Variants in ATP11A observed in about 807,000 individuals in gnomAD.
The protein encoded by ATP11A is phospholipid-transporting ATPase IH.
In ATP11A, 81 loss-of-function variants were observed where a neutral mutation model predicts 154.4. That is an observed-to-expected ratio of 0.52 (90% CI 0.44 to 0.63). ATP11A has a LOEUF of 0.63. Ranked by LOEUF, ATP11A falls within the 30% of genes least tolerant of loss-of-function variation. The pLI is 0.00. For synonymous variants in ATP11A, 623 were observed against 585.9 expected (o/e 1.06, Z -0.91); for missense variants, 1,316 against 1,474.3 (o/e 0.89, Z 1.76).
chr13:112,793,124 A>G (rs996368190), intron 2 of ATP11A, among the ~76,000 whole-genome samples: 1 of 152,218 alleles, frequency 6.6e-6, no homozygotes, highest in Non-Finnish European at 1.5e-5. Context: ...GAGCTCAGTC[A>G]TGTGCCTGAG....
chr13:112,792,626 T>G (rs138908962), intron 2 of ATP11A, among the ~76,000 whole-genome samples: 1 of 152,186 alleles, frequency 6.6e-6, no homozygotes, highest in East Asian at 1.9e-4. Flanking sequence ...TTACTGGTGA[T>G]AGGTGATGAT....
intron 1 of ATP11A, among the ~76,000 whole-genome samples, chr13:112,727,351 G>A (rs1482158186): frequency 3.3e-5 from 5 of 152,172 alleles, no homozygotes; most frequent in Non-Finnish European, 5.9e-5. Flanking sequence ...CCTACTGAAC[G>A]CTGTTTCTAG....
chr13:112,810,860 G>T lies in ATP11A; in HGVS notation c.441+134G>T, dbSNP rs1206523973. ...CTGAGGCAGGAGGATCGCTGAGCCT[G>T]GAAGTCGGAGGCCACTCAGGAGGCT... On this transcript the variant is annotated intron_variant, in intron 5 of 29. Transcript: ENST00000375645. 6.8e-6 allele frequency: 5 copies of T among 735,282 alleles called. No homozygotes were observed. In the African/African-American group the frequency reaches 8.8e-5, roughly 13 times the overall value. 45.5% of individuals were successfully genotyped at this position (735,282 alleles called of 1,614,324 possible).
intron 1 of ATP11A, among the ~76,000 whole-genome samples, chr13:112,716,219 C>G (rs182395466): frequency 6.6e-6 from 1 of 152,308 alleles, no homozygotes; most frequent in South Asian, 2.1e-4. Context: ...CGTGGTGGGG[C>G]CAAGTCCCTA....
Position 112,875,377 on chromosome 13 carries a change from G to A in ATP11A, c.3162-399G>A, listed in dbSNP as rs2080687762. Reference sequence around the variant, plus strand: ...CGTCTTTGAATCATCCTCTTTCTGGGGAGAGAAGTCATTGCTTGCTCTGTA... The same window carrying A: ...CGTCTTTGAATCATCCTCTTTCTGGAGAGAGAAGTCATTGCTTGCTCTGTA... On this transcript the variant is annotated intron_variant, in intron 27 of 29. Transcript: ENST00000375645. The surrounding 1 kb of genome is among the most constrained non-coding windows in gnomAD (Gnocchi z 4.1). 6.6e-6 allele frequency among the ~76,000 whole-genome samples: 1 copy of A among 152,134 alleles called. No individual in the cohort carries two copies. Among genetic ancestry groups the A allele is most frequent in the Non-Finnish European group, 1.5e-5 (1 of 68,026 alleles).
chr13:112,859,858 C>A lies in ATP11A; in HGVS notation c.2727+406C>A, dbSNP rs948821339. On this transcript the variant is annotated intron_variant, in intron 23 of 29. Transcript: ENST00000375645. The surrounding 1 kb of genome is among the most constrained non-coding windows in gnomAD (Gnocchi z 4.3). ...GCAACGTGCCCATAGGGGAAGAAGA[C>A]AGTTCCCATCCGGGAGGGGTGAAGG... 6.6e-6 allele frequency among the ~76,000 whole-genome samples: 1 copy of A among 152,188 alleles called. No individual in the cohort carries two copies. Among genetic ancestry groups the A allele is most frequent in the African/African-American group, 2.4e-5 (1 of 41,452 alleles).
At chr13:112,790,066 A>G (rs535886741) in intron 2 of ATP11A, among the ~76,000 whole-genome samples, 27 of 149,200 alleles carry the variant, frequency 1.8e-4, no homozygotes, top group East Asian at 6.2e-4. Flanking sequence ...CACACCCGGC[A>G]TCCTGACGTG....
At chr13:112,710,967 A>T (rs1299270861) in intron 1 of ATP11A, among the ~76,000 whole-genome samples, 1 of 114,082 alleles carries the variant, frequency 8.8e-6, no homozygotes, top group African/African-American at 4.4e-5. Flanking sequence ...ACCCGGAGCC[A>T]CCCACCCACC....
intron 1 of ATP11A, among the ~76,000 whole-genome samples, chr13:112,713,888 C>T (rs998548678): frequency 5.9e-5 from 9 of 151,920 alleles, no homozygotes; most frequent in African/African-American, 2.2e-4. Context: ...TTCCTGGCCC[C>T]AGCCTCCCTT....
chr13:112,741,522 C>T (rs1302181039), intron 1 of ATP11A, among the ~76,000 whole-genome samples: 1 of 152,182 alleles, frequency 6.6e-6, no homozygotes, highest in Non-Finnish European at 1.5e-5. Flanking sequence ...GCCTGGGCTG[C>T]TCCAGGCTGC....
At chr13:112,816,896 T>C (rs1325886605) in intron 6 of ATP11A, among the ~76,000 whole-genome samples, 2 of 152,232 alleles carry the variant, frequency 1.3e-5, no homozygotes, top group African/African-American at 4.8e-5. Flanking sequence ...TTTTATTAGT[T>C]AAAATTAGTG....
At chr13:112,705,768 G>T (rs1047229414) in intron 1 of ATP11A, among the ~76,000 whole-genome samples, 1 of 152,182 alleles carries the variant, frequency 6.6e-6, no homozygotes, top group South Asian at 2.1e-4. Context: ...ATATTATACG[G>T]CCAAAGGAGG....
At chr13:112,760,296 G>A (rs550299345) in intron 1 of ATP11A, among the ~76,000 whole-genome samples, 1 of 152,294 alleles carries the variant, frequency 6.6e-6, no homozygotes, top group Admixed American at 6.5e-5. Context: ...TCGTCCAGGC[G>A]CTGCTGTGTC....
chr13:112,793,087 A>G (rs1038245386), intron 2 of ATP11A, among the ~76,000 whole-genome samples: 4 of 152,306 alleles, frequency 2.6e-5, no homozygotes, highest in Admixed American at 6.5e-5. Flanking sequence ...ATTATTACCA[A>G]TGTATCCATG....
At position 112,807,408 on chromosome 13, in the gene ATP11A, C is replaced by G. The variant is rs2078352532; in HGVS notation, c.333+1115C>G. Among the ~76,000 whole-genome samples the G allele has an allele frequency of 6.6e-6, 1 of 152,188 alleles. No individual in the cohort carries two copies. The highest frequency in any genetic ancestry group is 1.5e-5 in the Non-Finnish European group (1 of 68,036). On this transcript the variant is annotated intron_variant, in intron 4 of 29. Transcript: ENST00000375645. The surrounding 1 kb of genome is among the most constrained non-coding windows in gnomAD (Gnocchi z 4.5). Reference sequence around the variant, plus strand: ...CAAAGGACTCGGGCAACCTGGTGTCCCTCCGTAAGGAAATGGACAGCTCCG... The same window carrying G: ...CAAAGGACTCGGGCAACCTGGTGTCGCTCCGTAAGGAAATGGACAGCTCCG...
At chr13:112,818,394 TC>T (rs897383557) in intron 6 of ATP11A, among the ~76,000 whole-genome samples, 4 of 152,128 alleles carry the variant, frequency 2.6e-5, no homozygotes, top group Non-Finnish European at 5.9e-5. Flanking sequence ...AGTGACCGTG[TC>T]CCCCTGATTT....
chr13:112,867,881 C>T (rs1476515872), intron 25 of ATP11A, among the ~76,000 whole-genome samples: 1 of 152,178 alleles, frequency 6.6e-6, no homozygotes, highest in Non-Finnish European at 1.5e-5. Context: ...CCAGGATACT[C>T]CCAACGGGGT....
In ATP11A at chr13:112,807,605, T is replaced by A. The variant is rs1448408206; in HGVS notation, c.333+1312T>A. On this transcript the variant is annotated intron_variant, in intron 4 of 29. Transcript: ENST00000375645. This position sits in a 1 kb window ranked among gnomAD's most constrained non-coding sequence, Gnocchi z 4.5. ...TGTCGGTGGCAGGCTCTTGCAAACT[T>A]CAACTTTAAGCAAAACGATGGGTTT... is the stretch of plus-strand genomic sequence containing the variant. Among the ~76,000 whole-genome samples, 1 of 152,024 alleles carries A rather than the reference T, an allele frequency of 6.6e-6. No individual in the cohort carries two copies. Among genetic ancestry groups the A allele is most frequent in the Non-Finnish European group, 1.5e-5 (1 of 67,988 alleles).
Position 112,886,335 on chromosome 13 carries a change from G to C in ATP11A, c.*4469G>C, listed in dbSNP as rs7998551. 1 of 152,102 alleles carries C rather than the reference G, an allele frequency of 6.6e-6. No homozygotes were observed. Among genetic ancestry groups the C allele is most frequent in the South Asian group, 2.1e-4 (1 of 4,830 alleles). The allele number at this position is 152,102 out of a possible 1,614,324, so 9.4% of individuals were successfully genotyped here. A position where few individuals can be genotyped will look rare whatever the true frequency, so the allele number is the denominator to read the frequency against. On this transcript the variant is annotated 3_prime_UTR_variant, in exon 30 of 30. Transcript: ENST00000375645. ...GCTGTCGCGGGAAACCTCCAGCCTT[G>C]TTCTTCAAACCACTCAGCTCATGTG...
Sources: gnomAD v4.1 joint callset for allele counts (sites outside exome capture counted in the v4.1 genomes callset) on GRCh38, gnomAD v4.1.1 for gene constraint, Gnocchi (gnomAD v3.1) non-coding constraint, MANE v1.5 for transcripts, NCBI Gene and HGNC (gene_info 2026-07-23, HGNC 2026-07-21) for gene names.